HSD17B2: variants seen among roughly 807,000 people sequenced by gnomAD.
HSD17B2 encodes the protein 17-beta-hydroxysteroid dehydrogenase type 2.
A neutral mutation model predicts 26.9 loss-of-function variants in HSD17B2; 32 were observed. That is an observed-to-expected ratio of 1.19 (90% CI 0.90 to 1.60). The LOEUF is 1.60. Among genes scored for constraint, HSD17B2 ranks in the 40% most tolerant of loss-of-function variants. HSD17B2 has a pLI of 0.00. For synonymous variants in HSD17B2, 246 were observed against 186.7 expected (o/e 1.32, Z -2.59); for missense variants, 613 against 468.6 (o/e 1.31, Z -2.85).
At chr16:82,095,998 A>G (rs1413855334) in intron 4 of HSD17B2, 2 of 152,190 alleles carry the variant, frequency 1.3e-5, no homozygotes, top group Non-Finnish European at 2.9e-5. Context: ...TTCACTTTAT[A>G]TAATGAGGAG....
At position 82,036,844 on chromosome 16, in the gene HSD17B2, T is replaced by A. The variant is rs1913639189; in HGVS notation, c.265+1155T>A. ...CTGGGAGTCTGGCTGGATTTTCCAC[T>A]TTTTTATTAGAATTCTCAAATGGCT... On this transcript the variant is annotated intron_variant, in intron 1 of 4. Coordinates refer to ENST00000199936, the MANE Select transcript of HSD17B2 (RefSeq NM_002153.3). Among the ~76,000 whole-genome samples the A allele has an allele frequency of 2.6e-5, 4 of 152,292 alleles. No individual in the cohort carries two copies. In the South Asian group the frequency reaches 8.3e-4, roughly 32 times the overall value.
At chr16:82,070,299 G>A (rs767878449) in intron 2 of HSD17B2, among the ~76,000 whole-genome samples, 4 of 152,102 alleles carry the variant, frequency 2.6e-5, no homozygotes, top group Non-Finnish European at 5.9e-5. Context: ...TCCAAGTCCT[G>A]TCAATTCCAC....
In HSD17B2 at chr16:82,098,421, G is replaced by A. The variant is rs775361652; in HGVS notation, c.1149G>A (p.Lys383=). The stretch of plus-strand genomic sequence containing the variant: ...GAGCTCTAAGAATGCCTAACTACAA[G>A]AAAAAGGCCACCTAGGCAATGGAAG... ...MPRALRMPNY[K]KKAT The change falls in exon 5 of 5, where the codon AAG becomes AAA. Residue 383 remains lysine (K), a synonymous_variant. Coordinates refer to ENST00000199936, the MANE Select transcript of HSD17B2 (RefSeq NM_002153.3). 4 of 1,601,206 alleles carry A rather than the reference G, an allele frequency of 2.5e-6. No individual in the cohort carries two copies. Among genetic ancestry groups the A allele is most frequent in the Non-Finnish European group, 2.6e-6 (3 of 1,173,308 alleles).
At chr16:82,043,323 T>C (rs574050906) in intron 1 of HSD17B2, among the ~76,000 whole-genome samples, 1 of 152,206 alleles carries the variant, frequency 6.6e-6, no homozygotes, top group African/African-American at 2.4e-5. Context: ...TTCAGGTCAC[T>C]TGTGATATTG....
At chr16:82,046,455 G>T (rs1023718585) in intron 1 of HSD17B2, among the ~76,000 whole-genome samples, 2 of 152,146 alleles carry the variant, frequency 1.3e-5, no homozygotes, top group East Asian at 1.9e-4. Flanking sequence ...AGGCACGGTG[G>T]CTCACGCCTG....
At chr16:82,067,398 T>G (rs1043247383) in intron 1 of HSD17B2, among the ~76,000 whole-genome samples, 2 of 152,248 alleles carry the variant, frequency 1.3e-5, no homozygotes, top group African/African-American at 4.8e-5. Context: ...ACATCAACGT[T>G]TTGCACTTGT....
rs370637538 is a variant in HSD17B2, at chr16:82,090,430, C to A, written c.665-472C>A. Among the ~76,000 whole-genome samples, 6 of 140,350 alleles carry A rather than the reference C, an allele frequency of 4.3e-5. No individual in the cohort carries two copies. The Admixed American group carries it at 4.5e-4, about 11-fold the overall frequency. 92.1% of individuals were successfully genotyped at this position (140,350 alleles called of 152,430 possible). ...CCCCCTGGGGTCCAAGCGATTCTTA[C>A]GTCTCAGCCTCATGAGTAGCTGGGA... On this transcript the variant is annotated intron_variant, in intron 3 of 4. Coordinates refer to ENST00000199936, the MANE Select transcript of HSD17B2 (RefSeq NM_002153.3).
At chr16:82,042,223 T>C (rs1251904979) in intron 1 of HSD17B2, among the ~76,000 whole-genome samples, 1 of 152,088 alleles carries the variant, frequency 6.6e-6, no homozygotes, top group Admixed American at 6.5e-5. Flanking sequence ...CAGGCTGGGC[T>C]TGAACCCCTG....
At chr16:82,055,349 C>T (rs528367916) in intron 1 of HSD17B2, among the ~76,000 whole-genome samples, 1 of 152,290 alleles carries the variant, frequency 6.6e-6, no homozygotes, top group East Asian at 1.9e-4. Flanking sequence ...CACCCATTCC[C>T]ACCTGACGCC....
chr16:82,086,996 A>G (rs1193515648), intron 3 of HSD17B2, among the ~76,000 whole-genome samples: 10 of 152,176 alleles, frequency 6.6e-5, no homozygotes, highest in Non-Finnish European at 1.2e-4. Context: ...ATTCTGTTGG[A>G]TCAAGGGCCT....
chr16:82,051,497 A>T (rs1159417867), intron 1 of HSD17B2, among the ~76,000 whole-genome samples: 2 of 152,140 alleles, frequency 1.3e-5, no homozygotes, highest in Admixed American at 6.5e-5. Context: ...GTTCTCACTC[A>T]TAAGTGGGAA....
intron 1 of HSD17B2, among the ~76,000 whole-genome samples, chr16:82,064,261 G>T (rs562792778): frequency 6.6e-6 from 1 of 152,120 alleles, no homozygotes; most frequent in South Asian, 2.1e-4. Flanking sequence ...CTCCTTGCTC[G>T]CATCCCTTTA....
At chr16:82,048,956 A>G (rs1914022060) in intron 1 of HSD17B2, among the ~76,000 whole-genome samples, 1 of 152,208 alleles carries the variant, frequency 6.6e-6, no homozygotes, top group South Asian at 2.1e-4. Flanking sequence ...AAGAAGACAA[A>G]GGACAATAAA....
chr16:82,090,849 T>G (rs903422740), intron 3 of HSD17B2, 53 bp from the exon 4 acceptor site: 13 of 1,502,466 alleles, frequency 8.7e-6, no homozygotes, highest in East Asian at 2.3e-5. Flanking sequence ...ATTTATTGGA[T>G]GAACAAATGA....
chr16:82,039,333 G>A (rs1315782607), intron 1 of HSD17B2, among the ~76,000 whole-genome samples: 3 of 50,712 alleles, frequency 5.9e-5, no homozygotes, highest in African/African-American at 9.9e-5. Context: ...TAGCAGATGA[G>A]AGAGAGAGAG....
chr16:82,056,383 A>T (rs1914268798), intron 1 of HSD17B2: 1 of 152,246 alleles, frequency 6.6e-6, no homozygotes, highest in Non-Finnish European at 1.5e-5. Flanking sequence ...AATTCTTGTG[A>T]AATACATGGT....
In HSD17B2 at chr16:82,041,636, G is replaced by A. The variant is rs895234227; in HGVS notation, c.265+5947G>A. On this transcript the variant is annotated intron_variant, in intron 1 of 4. Transcript: ENST00000199936. ...GCTTGACTTCTGCTCCAGCACTGCC[G>A]ACCATACTTTCTTTCTTTTCATGGC... Among the ~76,000 whole-genome samples the A allele has an allele frequency of 2.6e-5, 4 of 152,190 alleles. No individual in the cohort carries two copies. The East Asian group carries it at 5.8e-4, about 22-fold the overall frequency.
At chr16:82,047,502 G>T (rs1193097468) in intron 1 of HSD17B2, among the ~76,000 whole-genome samples, 1 of 152,230 alleles carries the variant, frequency 6.6e-6, no homozygotes, top group Non-Finnish European at 1.5e-5. Context: ...TCAACTTGCA[G>T]TATAGAGGAG....
At chr16:82,082,912 C>T (rs1431132251) in intron 3 of HSD17B2, among the ~76,000 whole-genome samples, 2 of 152,180 alleles carry the variant, frequency 1.3e-5, no homozygotes, top group African/African-American at 2.4e-5. Flanking sequence ...GGCCTGTAAG[C>T]TAGAACTTGA....
Sources: gnomAD v4.1 joint callset for allele counts (sites outside exome capture counted in the v4.1 genomes callset) on GRCh38, gnomAD v4.1.1 for gene constraint, MANE v1.5 for transcripts, NCBI Gene and HGNC (gene_info 2026-07-23, HGNC 2026-07-21) for gene names.